The following TMEM196 variants were observed in gnomAD, a reference collection of about 807,000 sequenced individuals.
TMEM196 encodes the protein transmembrane protein 196.
A neutral mutation model predicts 20.0 loss-of-function variants in TMEM196; 17 were observed. That is an observed-to-expected ratio of 0.85 (90% CI 0.58 to 1.27). TMEM196 has a LOEUF of 1.27. Among genes scored for constraint, TMEM196 ranks in the 50% most tolerant of loss-of-function variants. The pLI is 0.00. For missense variants in TMEM196, 267 were observed against 223.0 expected, an observed-to-expected ratio of 1.20 and a Z score of -1.26; for synonymous variants, 113 against 88.9, an observed-to-expected ratio of 1.27 and a Z score of -1.52.
chr7:19,735,915 T>A (rs1260261626), intron 1 of TMEM196, among the ~76,000 whole-genome samples: 2 of 152,124 alleles, frequency 1.3e-5, no homozygotes, highest in Non-Finnish European at 2.9e-5. Context: ...AACCACGAAT[T>A]GAATTTAATA....
At chr7:19,763,166 T>A (rs17141936) in intron 1 of TMEM196, among the ~76,000 whole-genome samples, 1 of 152,158 alleles carries the variant, frequency 6.6e-6, no homozygotes, top group African/African-American at 2.4e-5. Flanking sequence ...TGATCTTAAA[T>A]CACTAAAGCC....
At chr7:19,763,110 A>G (rs896208610) in intron 1 of TMEM196, among the ~76,000 whole-genome samples, 1 of 152,102 alleles carries the variant, frequency 6.6e-6, no homozygotes, top group Non-Finnish European at 1.5e-5. Context: ...TTCTCTCTTT[A>G]GGTGATTTTG....
At chr7:19,745,891 T>C (rs181007985) in intron 1 of TMEM196, among the ~76,000 whole-genome samples, 22 of 151,790 alleles carry the variant, frequency 1.4e-4, no homozygotes, top group African/African-American at 5.3e-4. Context: ...TGGCATTTTG[T>C]TCTGATTGAT....
At chr7:19,750,262 T>C (rs1784909034) in intron 1 of TMEM196, among the ~76,000 whole-genome samples, 1 of 152,224 alleles carries the variant, frequency 6.6e-6, no homozygotes, top group Non-Finnish European at 1.5e-5. Context: ...GTATGCAAAG[T>C]GATGGATATC....
chr7:19,767,442 C>T (rs1462704990), intron 1 of TMEM196, among the ~76,000 whole-genome samples: 1 of 151,926 alleles, frequency 6.6e-6, no homozygotes, highest in East Asian at 1.9e-4. Flanking sequence ...TACCTGGGCT[C>T]TACAGAATCC....
intron 1 of TMEM196, among the ~76,000 whole-genome samples, chr7:19,734,544 A>C (rs1784330031): frequency 6.6e-6 from 1 of 152,216 alleles, no homozygotes; most frequent in African/African-American, 2.4e-5. Context: ...GGCAAGGTCA[A>C]AAGAAGCAGA....
intron 1 of TMEM196, among the ~76,000 whole-genome samples, chr7:19,761,204 A>G (rs1346568840): frequency 6.6e-6 from 1 of 152,180 alleles, no homozygotes; most frequent in Non-Finnish European, 1.5e-5. Flanking sequence ...CATAGCGTAC[A>G]TCTTCAAAAG....
At chr7:19,743,655 A>G (rs1263396174) in intron 1 of TMEM196, among the ~76,000 whole-genome samples, 1 of 152,182 alleles carries the variant, frequency 6.6e-6, no homozygotes, top group Non-Finnish European at 1.5e-5. Flanking sequence ...CGAGTTAAAG[A>G]GCACTATTTA....
chr7:19,761,121 C>G (rs536829421), intron 1 of TMEM196, among the ~76,000 whole-genome samples: 2 of 152,308 alleles, frequency 1.3e-5, no homozygotes, highest in African/African-American at 4.8e-5. Flanking sequence ...CCTTCCTTGC[C>G]TTTATTAGAC....
At chr7:19,752,852 A>G (rs1251418090) in intron 1 of TMEM196, among the ~76,000 whole-genome samples, 1 of 152,028 alleles carries the variant, frequency 6.6e-6, no homozygotes, top group African/African-American at 2.4e-5. Flanking sequence ...TGACCTCGTG[A>G]TCCACCTGCC....
intron 1 of TMEM196, among the ~76,000 whole-genome samples, chr7:19,745,238 T>C (rs944701122): frequency 6.6e-6 from 1 of 152,220 alleles, no homozygotes; most frequent in Non-Finnish European, 1.5e-5. Flanking sequence ...CTCTTATTTT[T>C]ATCATTTTTC....
At chr7:19,729,475 A>G in intron 1 of TMEM196, 37 bp from the exon 2 acceptor site, 1 of 1,539,436 alleles carries the variant, frequency 6.5e-7, no homozygotes. Context: ...TCCTTATCCA[A>G]AGACACGAGG....
At chr7:19,724,470 G>T in intron 3 of TMEM196, 117 bp from the exon 4 acceptor site, 1 of 863,014 alleles carries the variant, frequency 1.2e-6, no homozygotes, top group Non-Finnish European at 1.8e-6. Flanking sequence ...CATATAAAAT[G>T]GTCATCTATT....
chr7:19,736,533 G>C (rs951357189), intron 1 of TMEM196, among the ~76,000 whole-genome samples: 2 of 151,256 alleles, frequency 1.3e-5, no homozygotes, highest in African/African-American at 4.9e-5. Context: ...AGAGTATCCG[G>C]GGTAGGACTC....
At position 19,738,081 on chromosome 7, in the gene TMEM196, C is replaced by A. The variant is rs552237138; in HGVS notation, c.148-8643G>T. On this transcript the variant is annotated intron_variant, in intron 1 of 4. Coordinates refer to ENST00000405844, the MANE Select transcript of TMEM196 (RefSeq NM_001363562.2). ...ATGTAACTTTAGAAATAAGTGGAAT[C>A]TGTAAAACTGAAGAAAAGACAAAAA... 3.3e-5 allele frequency among the ~76,000 whole-genome samples: 5 copies of A among 152,086 alleles called. No individual in the cohort carries two copies. The South Asian group carries it at 8.3e-4, about 25-fold the overall frequency.
At chr7:19,737,035 C>T (rs1438075625) in intron 1 of TMEM196, among the ~76,000 whole-genome samples, 4 of 151,480 alleles carry the variant, frequency 2.6e-5, no homozygotes, top group Non-Finnish European at 5.9e-5. Context: ...GAGAAATAGG[C>T]AAAAGAAAGG....
Sources: gnomAD v4.1 joint callset for allele counts (sites outside exome capture counted in the v4.1 genomes callset) on GRCh38, gnomAD v4.1.1 for gene constraint, MANE v1.5 for transcripts, NCBI Gene and HGNC (gene_info 2026-07-23, HGNC 2026-07-21) for gene names.